Variants in SLC14A2 observed in about 807,000 individuals in gnomAD.
SLC14A2 encodes the protein urea transporter 2.
SLC14A2 carries 91 observed loss-of-function variants against 104.6 expected under a neutral mutation model. The observed-to-expected ratio is 0.87, with a 90% confidence interval of 0.73 to 1.04. The LOEUF (loss-of-function observed/expected upper bound fraction) is 1.04. Ranked by LOEUF, SLC14A2 falls within the 50% of genes least tolerant of loss-of-function variation. SLC14A2 has a pLI of 0.00. For synonymous variants in SLC14A2, 476 were observed against 466.4 expected (o/e 1.02, Z -0.27); for missense variants, 1,189 against 1,156.0 (o/e 1.03, Z -0.41).
In SLC14A2 at chr18:45,268,439, T is replaced by C. The variant is rs574490757; in HGVS notation, c.-125+55248T>C. On this transcript the variant is annotated intron_variant, in intron 1 of 20. Coordinates refer to the SLC14A2 transcript ENST00000586448. Reference sequence around the variant, plus strand: ...TCTCTAATACAGGATAAATAAATGGTACGATATGATCTATGCAACCACCTT... The same window carrying C: ...TCTCTAATACAGGATAAATAAATGGCACGATATGATCTATGCAACCACCTT... 2.8e-4 allele frequency among the ~76,000 whole-genome samples: 42 copies of C among 152,298 alleles called. 2 individuals carry two copies. The South Asian group carries it at 7.5e-3, about 27-fold the overall frequency.
chr18:45,311,677 T>G (rs1247744159), intron 1 of SLC14A2, among the ~76,000 whole-genome samples: 1 of 152,230 alleles, frequency 6.6e-6, no homozygotes, highest in African/African-American at 2.4e-5. Flanking sequence ...CTGATGTGCA[T>G]GCATTCTTGA....
chr18:45,635,239 G>T (rs1244071104), intron 5 of SLC14A2, among the ~76,000 whole-genome samples: 1 of 152,160 alleles, frequency 6.6e-6, no homozygotes, highest in Non-Finnish European at 1.5e-5. Context: ...ATATGATCAA[G>T]ATTTGGGAGG....
intron 1 of SLC14A2, among the ~76,000 whole-genome samples, chr18:45,293,320 A>C (rs1169712508): frequency 6.6e-6 from 1 of 152,182 alleles, no homozygotes; most frequent in Admixed American, 6.5e-5. Context: ...AGTATCCATA[A>C]AGCCCATGCC....
chr18:45,478,652 G>A (rs1285289365), intron 1 of SLC14A2, among the ~76,000 whole-genome samples: 2 of 152,136 alleles, frequency 1.3e-5, no homozygotes, highest in African/African-American at 2.4e-5. Flanking sequence ...AAAAAGGAAG[G>A]CGTGAAGAGC....
intron 2 of SLC14A2, among the ~76,000 whole-genome samples, chr18:45,609,291 C>T (rs2044929656): frequency 6.6e-6 from 1 of 151,952 alleles, no homozygotes; most frequent in African/African-American, 2.4e-5. Context: ...CCTTATTCTC[C>T]TTCCTTTCTT....
chr18:45,422,858 C>A (rs1418596645), intron 1 of SLC14A2, among the ~76,000 whole-genome samples: 2 of 152,162 alleles, frequency 1.3e-5, no homozygotes, highest in African/African-American at 2.4e-5. Context: ...AGAGGACAGG[C>A]AATTACACCT....
At chr18:45,228,881 A>C (rs1210955255) in intron 1 of SLC14A2, among the ~76,000 whole-genome samples, 1 of 152,112 alleles carries the variant, frequency 6.6e-6, no homozygotes, top group African/African-American at 2.4e-5. Context: ...CCTGAACCTC[A>C]TGCCTCTCAA....
At chr18:45,377,269 T>A (rs936518719) in intron 1 of SLC14A2, among the ~76,000 whole-genome samples, 2 of 151,924 alleles carry the variant, frequency 1.3e-5, no homozygotes, top group African/African-American at 4.8e-5. Flanking sequence ...TTTTACTACC[T>A]TCTTCTTTTC....
At chr18:45,212,861 CTCTG>C (rs1379734031), upstream of SLC14A2, 2 of 152,192 alleles carry the variant, frequency 1.3e-5, no homozygotes, top group Admixed American at 6.5e-5. Context: ...GATCCGATCC[CTCTG>C]TTGTGCCATG....
At chr18:45,209,048 C>A (rs1438098245), upstream of SLC14A2, among the ~76,000 whole-genome samples, 11 of 142,978 alleles carry the variant, frequency 7.7e-5, no homozygotes, top group African/African-American at 2.4e-4. Flanking sequence ...AAAACAACAA[C>A]AACTGTGGCC....
At chr18:45,221,452 TTTGA>T (rs1383723136) in intron 1 of SLC14A2, among the ~76,000 whole-genome samples, 14 of 125,478 alleles carry the variant, frequency 1.1e-4, no homozygotes, top group African/African-American at 3.7e-4. Context: ...AGTGAGACAC[TTTGA>T]TTGGTCCAGA....
rs546515967 is a variant in SLC14A2, at chr18:45,479,796, A to G, written c.-124-3437A>G. Among the ~76,000 whole-genome samples, 170 of 152,208 alleles carry G rather than the reference A, an allele frequency of 1.1e-3. 1 individual carries two copies. Among genetic ancestry groups the G allele is most frequent in the Middle Eastern group, 3.2e-3 (1 of 316 alleles). On this transcript the variant is annotated intron_variant, in intron 1 of 20. Transcript: ENST00000586448. ...TGTTCTCCCCCTGTTTTGGTAAGGA[A>G]TGGAAATAATCATTCACATTACCCA...
chr18:45,358,916 C>A (rs985146336), intron 1 of SLC14A2, among the ~76,000 whole-genome samples: 2 of 152,142 alleles, frequency 1.3e-5, no homozygotes, highest in Non-Finnish European at 1.5e-5. Context: ...ATGACCAAAC[C>A]GGTATAGCAC....
intron 1 of SLC14A2, among the ~76,000 whole-genome samples, chr18:45,342,370 G>T (rs974546217): frequency 6.6e-6 from 1 of 152,156 alleles, no homozygotes; most frequent in Non-Finnish European, 1.5e-5. Context: ...TGGAAGGCAG[G>T]AACAGCAGGG....
intron 1 of SLC14A2, among the ~76,000 whole-genome samples, chr18:45,620,824 G>A (rs1478550564): frequency 6.6e-6 from 1 of 152,088 alleles, no homozygotes; most frequent in African/African-American, 2.4e-5. Context: ...TCTAAAATCA[G>A]GATGCATCTT....
At chr18:45,606,210 CCTTT>C (rs2044864464) in intron 2 of SLC14A2, among the ~76,000 whole-genome samples, 1 of 152,098 alleles carries the variant, frequency 6.6e-6, no homozygotes, top group African/African-American at 2.4e-5. Flanking sequence ...TCCAAAAATT[CCTTT>C]CTAATTATTC....
At chr18:45,592,507 T>C (rs189746252) in intron 2 of SLC14A2, among the ~76,000 whole-genome samples, 7 of 152,298 alleles carry the variant, frequency 4.6e-5, no homozygotes, top group African/African-American at 1.7e-4. Context: ...TGCAGGAAAG[T>C]TCGTTTCCCA....
At chr18:45,322,149 TG>T (rs2085191495) in intron 1 of SLC14A2, among the ~76,000 whole-genome samples, 1 of 152,208 alleles carries the variant, frequency 6.6e-6, no homozygotes, top group African/African-American at 2.4e-5. Flanking sequence ...CAGGAATAAA[TG>T]GCAAATACTT....
intron 1 of SLC14A2, among the ~76,000 whole-genome samples, chr18:45,348,711 AT>A (rs1168330965): frequency 6.6e-6 from 1 of 152,192 alleles, no homozygotes; most frequent in Non-Finnish European, 1.5e-5. Flanking sequence ...AACAGTAATG[AT>A]TTTCTCTATT....
Sources: gnomAD v4.1 joint callset for allele counts (sites outside exome capture counted in the v4.1 genomes callset) on GRCh38, gnomAD v4.1.1 for gene constraint, MANE v1.5 for transcripts, NCBI Gene and HGNC (gene_info 2026-07-23, HGNC 2026-07-21) for gene names.